The following BMP2K variants were observed in gnomAD, a reference collection of about 807,000 sequenced individuals.
The protein encoded by BMP2K is BMP2 inducible kinase.
Under a neutral mutation model 116.0 loss-of-function variants are expected in BMP2K, and 74 were observed. The observed-to-expected ratio is 0.64, with a 90% CI of 0.53 to 0.77. BMP2K has a LOEUF of 0.77. Among genes scored for constraint, BMP2K ranks in the 30% least tolerant of loss-of-function variants. BMP2K has a pLI of 0.00. For missense variants in BMP2K, 1,365 were observed against 1,403.6 expected, an observed-to-expected ratio of 0.97 and a Z score of 0.44; for synonymous variants, 486 against 502.5, an observed-to-expected ratio of 0.97 and a Z score of 0.44.
Position 78,856,926 on chromosome 4 carries a change from T to A in BMP2K, c.884-2658T>A, listed in dbSNP as rs190349094. Among the ~76,000 whole-genome samples, 61 of 152,274 alleles carry A rather than the reference T, an allele frequency of 4.0e-4. 1 individual carries two copies. Among genetic ancestry groups the A allele is most frequent in the African/African-American group, 1.4e-3 (59 of 41,562 alleles). On this transcript the variant is annotated intron_variant, in intron 7 of 15. Transcript: ENST00000502613. ...TCAGAGATTGATGGGTGGAGGTGCTTCATTCTTTTTTCTAGTCTAACAATT... is the reference window on the plus strand; with the variant it reads ...TCAGAGATTGATGGGTGGAGGTGCTACATTCTTTTTTCTAGTCTAACAATT...
chr4:78,898,607 C>T (rs1316193277), intron 15 of BMP2K, among the ~76,000 whole-genome samples: 1 of 149,576 alleles, frequency 6.7e-6, no homozygotes, highest in Non-Finnish European at 1.5e-5. Context: ...TAATCATATT[C>T]CTTTCCTGTT....
intron 15 of BMP2K, among the ~76,000 whole-genome samples, chr4:78,901,036 T>C (rs1173928928): frequency 1.3e-5 from 2 of 152,096 alleles, no homozygotes; most frequent in Non-Finnish European, 2.9e-5. Context: ...ATATTGAGTA[T>C]TGGCAAACTT....
chr4:78,779,209 T>C (rs1348104100), intron 1 of BMP2K, among the ~76,000 whole-genome samples: 4 of 152,226 alleles, frequency 2.6e-5, no homozygotes, highest in African/African-American at 9.6e-5. Flanking sequence ...TCACAACATT[T>C]TTGTCAACTG....
At chr4:78,839,357 C>G (rs1730643698) in intron 3 of BMP2K, among the ~76,000 whole-genome samples, 1 of 152,142 alleles carries the variant, frequency 6.6e-6, no homozygotes, top group Non-Finnish European at 1.5e-5. Flanking sequence ...CTCTTAAGGC[C>G]TAGTCTTGGG....
intron 1 of BMP2K, among the ~76,000 whole-genome samples, chr4:78,818,015 G>A (rs1729435588): frequency 6.6e-6 from 1 of 152,230 alleles, no homozygotes; most frequent in East Asian, 1.9e-4. Context: ...CCCTAAAATG[G>A]ATGGGGGAGG....
intron 14 of BMP2K, among the ~76,000 whole-genome samples, chr4:78,884,840 A>T (rs1452039266): frequency 6.6e-6 from 1 of 152,206 alleles, no homozygotes; most frequent in Non-Finnish European, 1.5e-5. Context: ...GCCTCCCACC[A>T]CAATAAGTTA....
rs372464596 is a variant in BMP2K at position 78,847,224 on chromosome 4, C to A, written c.705C>A (p.Ile235=). 1 of 1,586,894 alleles carries A rather than the reference C, an allele frequency of 6.3e-7. No homozygotes were observed. Among genetic ancestry groups the A allele is most frequent in the Non-Finnish European group, 8.6e-7 (1 of 1,165,392 alleles). The change falls in exon 6 of 16, where the codon ATC becomes ATA. Residue 235 remains isoleucine (I), a synonymous_variant. Transcript: ENST00000502613. ...TTLSYRAPEM[I]NLYGGKPITT... The stretch of plus-strand genomic sequence containing the variant: ...TGTCATACAGAGCCCCTGAAATGAT[C>A]AACCTTTATGGAGGGAAACCCATCA...
Position 78,807,171 on chromosome 4 carries a change from A to C in BMP2K, c.179-18866A>C, listed in dbSNP as rs183069421. Among the ~76,000 whole-genome samples the C allele has an allele frequency of 2.0e-5, 3 of 151,808 alleles. No homozygotes were observed. The South Asian group carries it at 6.3e-4, about 32-fold the overall frequency. On this transcript the variant is annotated intron_variant, in intron 1 of 15. Coordinates refer to ENST00000502613, the MANE Select transcript of BMP2K (RefSeq NM_198892.2). ...CTGGCTGGGTGGTGGATTATTTTCA[A>C]ATTTTTTCCCTGCATTTATTGAGAT...
chr4:78,873,927 C>G (rs1411671323), intron 13 of BMP2K, among the ~76,000 whole-genome samples: 1 of 152,060 alleles, frequency 6.6e-6, no homozygotes, highest in Non-Finnish European at 1.5e-5. Flanking sequence ...TGCCTGTAAT[C>G]CAAGCACTTT....
chr4:78,850,435 T>C (rs1236318319), intron 6 of BMP2K, among the ~76,000 whole-genome samples: 1 of 151,856 alleles, frequency 6.6e-6, no homozygotes, highest in Non-Finnish European at 1.5e-5. Context: ...TTTTATAGTG[T>C]AAAATAATGA....
intron 1 of BMP2K, among the ~76,000 whole-genome samples, chr4:78,821,487 A>T (rs1225049852): frequency 6.6e-6 from 1 of 152,136 alleles, no homozygotes; most frequent in Non-Finnish European, 1.5e-5. Flanking sequence ...TTCTCTTTTC[A>T]GTAGGCATTT....
chr4:78,866,425 A>G (rs1391616981), intron 10 of BMP2K, among the ~76,000 whole-genome samples: 1 of 152,154 alleles, frequency 6.6e-6, no homozygotes, highest in South Asian at 2.1e-4. Context: ...TTAAGAGTGT[A>G]CGTTTTGAGT....
intron 1 of BMP2K, among the ~76,000 whole-genome samples, chr4:78,790,572 C>G (rs1344263982): frequency 6.6e-6 from 1 of 152,102 alleles, no homozygotes; most frequent in Admixed American, 6.6e-5. Flanking sequence ...GCTAAGAAGA[C>G]TCAATATTGT....
In BMP2K at chr4:78,803,907, T is replaced by C. The variant is rs146497295; in HGVS notation, c.179-22130T>C. Among the ~76,000 whole-genome samples the C allele has an allele frequency of 2.6e-3, 395 of 152,354 alleles. 1 individual carries two copies. Among genetic ancestry groups the C allele is most frequent in the Non-Finnish European group, 4.5e-3 (303 of 68,038 alleles). ...TATTCTGAGATCTGTGCTTCAGTTATATAGAACTAGTTTCAGTCTGGAACT... is the reference window on the plus strand; with the variant it reads ...TATTCTGAGATCTGTGCTTCAGTTACATAGAACTAGTTTCAGTCTGGAACT... On this transcript the variant is annotated intron_variant, in intron 1 of 15. Coordinates refer to ENST00000502613, the MANE Select transcript of BMP2K (RefSeq NM_198892.2).
intron 1 of BMP2K, among the ~76,000 whole-genome samples, chr4:78,788,524 T>G (rs1393430744): frequency 6.6e-6 from 1 of 152,154 alleles, no homozygotes; most frequent in Non-Finnish European, 1.5e-5. Context: ...AAATCTTTGG[T>G]AAATTTTCAT....
intron 6 of BMP2K, among the ~76,000 whole-genome samples, chr4:78,850,031 G>A (rs931005519): frequency 6.6e-6 from 1 of 151,664 alleles, no homozygotes; most frequent in African/African-American, 2.4e-5. Flanking sequence ...TGATATAAGT[G>A]TATACTAACT....
chr4:78,846,534 C>G (rs1258936328), intron 5 of BMP2K, among the ~76,000 whole-genome samples: 1 of 151,592 alleles, frequency 6.6e-6, no homozygotes, highest in African/African-American at 2.4e-5. Flanking sequence ...TTGAGCACTA[C>G]TTCATTAAAA....
chr4:78,829,492 A>G (rs1730049400), intron 2 of BMP2K, among the ~76,000 whole-genome samples: 2 of 151,880 alleles, frequency 1.3e-5, no homozygotes, highest in South Asian at 4.2e-4. Context: ...GAGGATTGGA[A>G]TCAGCCTCTT....
At chr4:78,854,456 T>C (rs868722178) in intron 7 of BMP2K, among the ~76,000 whole-genome samples, 22 of 151,912 alleles carry the variant, frequency 1.4e-4, no homozygotes, top group African/African-American at 5.1e-4. Context: ...GTATTTTTAG[T>C]AGAGATGGGG....
Sources: gnomAD v4.1 joint callset for allele counts (sites outside exome capture counted in the v4.1 genomes callset) on GRCh38, gnomAD v4.1.1 for gene constraint, MANE v1.5 for transcripts, NCBI Gene and HGNC (gene_info 2026-07-23, HGNC 2026-07-21) for gene names.